RALGAPB: variants seen among roughly 807,000 people sequenced by gnomAD.
The protein encoded by RALGAPB is Ral GTPase activating protein non-catalytic subunit beta, also known as ral GTPase-activating protein subunit beta.
RALGAPB carries 25 observed loss-of-function variants against 161.1 expected under a neutral mutation model. The observed-to-expected ratio is 0.16, with a 90% CI of 0.11 to 0.22. RALGAPB has a LOEUF of 0.22. RALGAPB is among the 10% of genes least tolerant of loss of function. The pLI, the probability that RALGAPB is intolerant of heterozygous loss-of-function variation, is 1.00. For synonymous variants in RALGAPB, 629 were observed against 626.1 expected (o/e 1.00, Z -0.07); for missense variants, 1,391 against 1,815.2 (o/e 0.77, Z 4.25).
intron 23 of RALGAPB, among the ~76,000 whole-genome samples, chr20:38,560,925 A>G (rs2087763751): frequency 1.3e-5 from 2 of 152,240 alleles, no homozygotes; most frequent in South Asian, 2.1e-4. Context: ...TTTTACTTCT[A>G]GATAAAAATT....
At chr20:38,477,510 A>G (rs2122808267) in intron 1 of RALGAPB, among the ~76,000 whole-genome samples, 1 of 152,262 alleles carries the variant, frequency 6.6e-6, no homozygotes, top group East Asian at 1.9e-4. Flanking sequence ...ACATAGGTGA[A>G]TACCTTCCTT....
At chr20:38,551,293 A>G in intron 21 of RALGAPB, 70 bp downstream of exon 21, 1 of 1,518,834 alleles carries the variant, frequency 6.6e-7, no homozygotes, top group Non-Finnish European at 9.0e-7. Flanking sequence ...CTTGGTCAAG[A>G]CAATGCTTTT....
chr20:38,519,371 G>T (rs1329789095), intron 9 of RALGAPB, among the ~76,000 whole-genome samples: 2 of 152,050 alleles, frequency 1.3e-5, no homozygotes, highest in Non-Finnish European at 2.9e-5. Flanking sequence ...GCATTTTCTA[G>T]AATGAATCAG....
At chr20:38,537,660 A>G (rs1184120410) in intron 16 of RALGAPB, 1 of 152,226 alleles carries the variant, frequency 6.6e-6, no homozygotes, top group African/African-American at 2.4e-5. Context: ...GGAAATGTTT[A>G]TAAAGCATAT....
intron 2 of RALGAPB, among the ~76,000 whole-genome samples, chr20:38,489,837 G>A (rs805536): frequency 0.07 from 10,715 of 152,080 alleles, 733 homozygotes; most frequent in African/African-American, 0.18. Flanking sequence ...ATTTATCCCC[G>A]AGGACTAGCA....
In RALGAPB at chr20:38,558,279, C is replaced by T; in HGVS notation, c.3373-16C>T. ...GAAAATAGGTAATAATTGCTCCTTT[C>T]TTCTTTTGGTGGCAGGAACCTGCAA... On this transcript the variant is annotated splice_polypyrimidine_tract_variant and intron_variant, in intron 22 of 29. Transcript: ENST00000262879. 6.7e-7 allele frequency: 1 copy of T among 1,483,188 alleles called. No homozygotes were observed. The highest frequency in any genetic ancestry group is 2.4e-5 in the East Asian group (1 of 41,200). 91.9% of individuals were successfully genotyped at this position (1,483,188 alleles called of 1,614,324 possible).
intron 15 of RALGAPB, chr20:38,534,480 A>G (rs1226813496): frequency 4.6e-5 from 7 of 152,538 alleles, no homozygotes; most frequent in African/African-American, 7.2e-5. Flanking sequence ...CTAACTAGTG[A>G]TTGCTTTTAC....
At chr20:38,496,320 C>T (rs1205266843) in intron 3 of RALGAPB, among the ~76,000 whole-genome samples, 1 of 152,318 alleles carries the variant, frequency 6.6e-6, no homozygotes, top group Non-Finnish European at 1.5e-5. Context: ...GTTGGGTTGA[C>T]AGTTCTAAGG....
Position 38,488,518 on chromosome 20 carries a change from T to C in RALGAPB, c.86T>C (p.Val29Ala). The change falls in exon 2 of 30, where the codon GTT (valine) becomes GCT (alanine). Residue 29 changes from valine to alanine, a missense_variant. Physicochemically the swap from Val to Ala is moderately conservative, Grantham distance 64 (BLOSUM62 0). Transcript: ENST00000262879. The part of the protein sequence containing the change: ...TSVLHSYPES[V>A]GREVANAVVR... ...GTGCTGCACAGCTATCCAGAGAGCG[T>C]TGGACGAGAGGTGGCAAATGCTGTA... The C allele has an allele frequency of 3.7e-6, 6 of 1,614,204 alleles. No individual in the cohort carries two copies. Among genetic ancestry groups the C allele is most frequent in the East Asian group, 2.2e-5 (1 of 44,886 alleles).
chr20:38,576,538 G>A lies in RALGAPB; in HGVS notation c.*1571G>A, dbSNP rs2088444488. On this transcript the variant is annotated 3_prime_UTR_variant, in exon 30 of 30. Coordinates refer to ENST00000262879, the MANE Select transcript of RALGAPB (RefSeq NM_020336.4). ...CTGTTCATGTTTGTTTTAAGCTCAGGTAAAGATAACCTCCTCTTTCTATGA... is the reference window on the plus strand; with the variant it reads ...CTGTTCATGTTTGTTTTAAGCTCAGATAAAGATAACCTCCTCTTTCTATGA... 1 of 152,284 alleles carries A rather than the reference G, an allele frequency of 6.6e-6. No homozygotes were observed. 9.4% of individuals were successfully genotyped at this position (152,284 alleles called of 1,614,324 possible). A position where few individuals can be genotyped will look rare whatever the true frequency, so the allele number is the denominator to read the frequency against.
At chr20:38,560,063 A>G (rs953912289) in intron 23 of RALGAPB, among the ~76,000 whole-genome samples, 1 of 152,186 alleles carries the variant, frequency 6.6e-6, no homozygotes, top group Non-Finnish European at 1.5e-5. Context: ...ACTGTTTCAA[A>G]TGATTTGTGA....
At chr20:38,569,798 C>A in intron 26 of RALGAPB, 90 bp from the exon 27 acceptor site, 1 of 945,844 alleles carries the variant, frequency 1.1e-6, no homozygotes, top group Non-Finnish European at 1.7e-6. Context: ...CACTGAGCAC[C>A]TTGACAAATG....
At chr20:38,552,763 C>G (rs903856504) in intron 21 of RALGAPB, among the ~76,000 whole-genome samples, 1 of 152,116 alleles carries the variant, frequency 6.6e-6, no homozygotes, top group Non-Finnish European at 1.5e-5. Flanking sequence ...TTAAGAATTG[C>G]CAGGCAGTGC....
intron 9 of RALGAPB, among the ~76,000 whole-genome samples, chr20:38,518,386 C>T (rs2086195072): frequency 6.6e-6 from 1 of 152,144 alleles, no homozygotes; most frequent in Non-Finnish European, 1.5e-5. Context: ...ATTTTGACAG[C>T]CATTCACTCA....
chr20:38,476,682 G>A (rs2084812395), intron 1 of RALGAPB, among the ~76,000 whole-genome samples: 1 of 152,334 alleles, frequency 6.6e-6, no homozygotes, highest in East Asian at 1.9e-4. Flanking sequence ...AAGATCGTAA[G>A]CCAAAAATGC....
In RALGAPB at chr20:38,562,053, A is replaced by G. The variant is rs982599991; in HGVS notation, c.3532-479A>G. Among the ~76,000 whole-genome samples, 4 of 152,236 alleles carry G rather than the reference A, an allele frequency of 2.6e-5. No individual in the cohort carries two copies. In the East Asian group the frequency reaches 5.8e-4, roughly 22 times the overall value. On this transcript the variant is annotated intron_variant, in intron 23 of 29. Coordinates refer to ENST00000262879, the MANE Select transcript of RALGAPB (RefSeq NM_020336.4). ...TTTGGCCTAAGAAAAGGATATTTTC[A>G]TACTCATTTATTAATTACACCTAAT...
At chr20:38,557,962 A>G (rs2087646694) in intron 22 of RALGAPB, among the ~76,000 whole-genome samples, 1 of 152,248 alleles carries the variant, frequency 6.6e-6, no homozygotes, top group African/African-American at 2.4e-5. Flanking sequence ...CTTCCAAAGT[A>G]GCTGTACCAT....
chr20:38,541,133 T>G lies in RALGAPB; in HGVS notation c.2655T>G (p.Asp885Glu). The change falls in exon 18 of 30, where the codon GAT (aspartate) becomes GAG (glutamate). Residue 885 changes from aspartate (D) to glutamate (E), a missense_variant. By Grantham distance (45) the Asp-to-Glu change is conservative. Coordinates refer to ENST00000262879, the MANE Select transcript of RALGAPB (RefSeq NM_020336.4). ...NNEQEVKYKG[D>E]KEPNPASMRV... ...AGCAAGAGGTCAAGTACAAAGGAGATAAGGAGCCAAACCCTGCATCTATGA... is the reference window on the plus strand; with the variant it reads ...AGCAAGAGGTCAAGTACAAAGGAGAGAAGGAGCCAAACCCTGCATCTATGA... 6.2e-7 allele frequency: 1 copy of G among 1,614,094 alleles called. No individual in the cohort carries two copies.
chr20:38,552,762 G>A (rs1042287514), intron 21 of RALGAPB, among the ~76,000 whole-genome samples: 12 of 152,200 alleles, frequency 7.9e-5, no homozygotes, highest in Non-Finnish European at 1.5e-4. Flanking sequence ...CTTAAGAATT[G>A]CCAGGCAGTG....
Sources: gnomAD v4.1 joint callset for allele counts (sites outside exome capture counted in the v4.1 genomes callset) on GRCh38, gnomAD v4.1.1 for gene constraint, MANE v1.5 for transcripts, NCBI Gene and HGNC (gene_info 2026-07-23, HGNC 2026-07-21) for gene names.